Variants in ST6GALNAC5 observed in about 807,000 individuals in gnomAD.
ST6GALNAC5 encodes the protein ST6 N-acetylgalactosaminide alpha-2,6-sialyltransferase 5, also known as alpha-N-acetylgalactosaminide alpha-2,6-sialyltransferase 5.
Under a neutral mutation model 33.6 loss-of-function variants are expected in ST6GALNAC5, and 27 were observed. The observed-to-expected ratio is 0.80, with a 90% CI of 0.59 to 1.11. The LOEUF is 1.11. Ranked by LOEUF, ST6GALNAC5 falls within the 50% of genes least tolerant of loss-of-function variation. The pLI is 0.00. For synonymous variants in ST6GALNAC5, 194 were observed against 171.2 expected (o/e 1.13, Z -1.04); for missense variants, 428 against 454.0 (o/e 0.94, Z 0.52).
intron 2 of ST6GALNAC5, among the ~76,000 whole-genome samples, chr1:76,977,021 T>G (rs1453759507): frequency 6.6e-6 from 1 of 152,210 alleles, no homozygotes; most frequent in African/African-American, 2.4e-5. Flanking sequence ...ATCCCAACAT[T>G]GCTGGCCCCT....
In ST6GALNAC5 at chr1:77,064,085, A is replaced by G. The variant is rs1343549322; in HGVS notation, c.*879A>G. The stretch of plus-strand genomic sequence containing the variant: ...AATTTAAAGGTAGTTTTCTTTAGTA[A>G]TAATTTATGTAAGTGTCCTCTCTTG... On this transcript the variant is annotated 3_prime_UTR_variant, in exon 5 of 5. Coordinates refer to ENST00000477717, the MANE Select transcript of ST6GALNAC5 (RefSeq NM_030965.3). 6.6e-6 allele frequency: 1 copy of G among 152,170 alleles called. No individual in the cohort carries two copies. The highest frequency in any genetic ancestry group is 2.4e-5 in the African/African-American group (1 of 41,434). The allele number at this position is 152,170 out of a possible 1,614,324, so 9.4% of individuals were successfully genotyped here. A position where few individuals can be genotyped will look rare whatever the true frequency, so the allele number is the denominator to read the frequency against.
At chr1:77,034,270 G>A (rs1298970541) in intron 2 of ST6GALNAC5, among the ~76,000 whole-genome samples, 2 of 151,864 alleles carry the variant, frequency 1.3e-5, no homozygotes, top group Non-Finnish European at 2.9e-5. Flanking sequence ...CCTACTAGAT[G>A]CATCACCCCA....
chr1:76,998,511 A>T (rs181590186), intron 2 of ST6GALNAC5, among the ~76,000 whole-genome samples: 1 of 152,224 alleles, frequency 6.6e-6, no homozygotes, highest in Non-Finnish European at 1.5e-5. Context: ...TTCATAACCA[A>T]TGAAAATCTG....
At chr1:77,062,825 T>C (rs1410338739) in intron 4 of ST6GALNAC5, 150 bp from the exon 5 acceptor site, 1 of 614,666 alleles carries the variant, frequency 1.6e-6, no homozygotes, top group Admixed American at 3.0e-5. Flanking sequence ...TCCACTTCCT[T>C]ATTGTGTAAT....
At chr1:76,917,326 C>T (rs1646985687) in intron 2 of ST6GALNAC5, among the ~76,000 whole-genome samples, 1 of 152,120 alleles carries the variant, frequency 6.6e-6, no homozygotes, top group Non-Finnish European at 1.5e-5. Flanking sequence ...CAAAAAGTGA[C>T]TTGCTGGCAA....
intron 2 of ST6GALNAC5, among the ~76,000 whole-genome samples, chr1:77,015,808 G>A (rs1650809858): frequency 6.6e-6 from 1 of 151,998 alleles, no homozygotes. Context: ...CATATACAAA[G>A]CCCCAGAGGC....
In ST6GALNAC5 at chr1:77,012,059, C is replaced by T. The variant is rs115898334; in HGVS notation, c.262-32145C>T. On this transcript the variant is annotated intron_variant, in intron 2 of 4. Transcript: ENST00000477717. ...AGCTTGAATTTATACCCAGACCTGG[C>T]GATTCTTAGGTCTGAGACTTTTAAC... Among the ~76,000 whole-genome samples, 563 of 152,234 alleles carry T rather than the reference C, an allele frequency of 3.7e-3. 4 individuals carry two copies. The highest frequency in any genetic ancestry group is 0.013 in the African/African-American group (537 of 41,514).
rs1304458770 is a variant in ST6GALNAC5 at position 76,891,914 on chromosome 1, A to C, written c.261+23172A>C. On this transcript the variant is annotated intron_variant, in intron 2 of 4. Coordinates refer to ENST00000477717, the MANE Select transcript of ST6GALNAC5 (RefSeq NM_030965.3). Reference sequence around the variant, plus strand: ...CTATGTATTTTAAATTCAGTTATATATACTGTCACTAGCCATACCAGGCAT... The same window carrying C: ...CTATGTATTTTAAATTCAGTTATATCTACTGTCACTAGCCATACCAGGCAT... 4.6e-5 allele frequency among the ~76,000 whole-genome samples: 7 copies of C among 152,322 alleles called. No individual in the cohort carries two copies. The East Asian group carries it at 1.3e-3, about 29-fold the overall frequency.
At chr1:76,912,819 CAT>C (rs765437323) in intron 2 of ST6GALNAC5, among the ~76,000 whole-genome samples, 76 of 152,142 alleles carry the variant, frequency 5.0e-4, no homozygotes, top group Admixed American at 8.5e-4. Context: ...TGTGTCTGCA[CAT>C]GAGATGGGTT....
intron 2 of ST6GALNAC5, among the ~76,000 whole-genome samples, chr1:77,021,435 C>A (rs1651051586): frequency 6.6e-6 from 1 of 152,134 alleles, no homozygotes. Flanking sequence ...AGGTAAGACT[C>A]CTGAGTATTA....
Position 76,991,805 on chromosome 1 carries a change from C to T in ST6GALNAC5, c.262-52399C>T, listed in dbSNP as rs142299444. Among the ~76,000 whole-genome samples the T allele has an allele frequency of 3.2e-3, 487 of 151,148 alleles. 1 individual carries two copies. Among genetic ancestry groups the T allele is most frequent in the Non-Finnish European group, 4.4e-3 (297 of 67,936 alleles). Reference sequence around the variant, plus strand: ...TGAAAAACTAACTCATTATCTTAAGCATTCCCAAACAACCTTCTAACTCAC... The same window carrying T: ...TGAAAAACTAACTCATTATCTTAAGTATTCCCAAACAACCTTCTAACTCAC... On this transcript the variant is annotated intron_variant, in intron 2 of 4. Coordinates refer to ENST00000477717, the MANE Select transcript of ST6GALNAC5 (RefSeq NM_030965.3).
chr1:77,025,833 C>T (rs2100442078), intron 2 of ST6GALNAC5, among the ~76,000 whole-genome samples: 1 of 152,216 alleles, frequency 6.6e-6, no homozygotes, highest in South Asian at 2.1e-4. Flanking sequence ...CTACAGGGCC[C>T]CAGCTGCCAG....
chr1:77,062,752 T>G (rs1276462421), intron 4 of ST6GALNAC5, among the ~76,000 whole-genome samples: 1 of 152,200 alleles, frequency 6.6e-6, no homozygotes, highest in African/African-American at 2.4e-5. Flanking sequence ...GTTCTGCAGC[T>G]CATTTTCAAT....
chr1:76,968,736 G>A (rs1012112032), intron 2 of ST6GALNAC5, among the ~76,000 whole-genome samples: 17 of 152,172 alleles, frequency 1.1e-4, no homozygotes, highest in Non-Finnish European at 2.1e-4. Context: ...TCCTTTCCAT[G>A]TTTAGTGCTT....
intron 2 of ST6GALNAC5, among the ~76,000 whole-genome samples, chr1:77,028,945 GGA>G (rs1651348059): frequency 6.6e-6 from 1 of 152,186 alleles, no homozygotes; most frequent in African/African-American, 2.4e-5. Flanking sequence ...GGGACAGCTG[GGA>G]GTGCATTTCA....
intron 2 of ST6GALNAC5, among the ~76,000 whole-genome samples, chr1:77,024,439 C>T (rs552116381): frequency 3.9e-5 from 6 of 152,294 alleles, no homozygotes; most frequent in Non-Finnish European, 8.8e-5. Context: ...CAGAATCTTG[C>T]TACTGGTACA....
At chr1:76,905,647 C>G (rs1313755480) in intron 2 of ST6GALNAC5, among the ~76,000 whole-genome samples, 1 of 152,100 alleles carries the variant, frequency 6.6e-6, no homozygotes, top group African/African-American at 2.4e-5. Context: ...ACTAAAAATT[C>G]TATGTGTTGA....
intron 2 of ST6GALNAC5, among the ~76,000 whole-genome samples, chr1:76,936,665 A>T (rs180905256): frequency 1.4e-3 from 214 of 152,204 alleles, no homozygotes; most frequent in African/African-American, 4.9e-3. Flanking sequence ...TAATTTACAG[A>T]ACATTATTAT....
intron 4 of ST6GALNAC5, among the ~76,000 whole-genome samples, chr1:77,059,239 A>G (rs1652496582): frequency 6.6e-6 from 1 of 152,182 alleles, no homozygotes; most frequent in Non-Finnish European, 1.5e-5. Flanking sequence ...TACAGGCATT[A>G]TTGAGATTTT....
Sources: allele counts gnomAD v4.1 joint callset (sites outside exome capture counted in the v4.1 genomes callset), GRCh38; gene constraint gnomAD v4.1.1; transcripts MANE v1.5; gene names NCBI Gene and HGNC (gene_info 2026-07-23, HGNC 2026-07-21).